ADNP2: variants seen among roughly 807,000 people sequenced by gnomAD.
ADNP2 encodes activity-dependent neuroprotector homeobox protein 2.
ADNP2 carries 8 observed loss-of-function variants against 16.4 expected under a neutral mutation model. The ratio of observed to expected loss-of-function variants is 0.49; its 90% CI spans 0.29 to 0.88. The LOEUF is 0.88. Ranked by LOEUF, ADNP2 falls within the 40% of genes least tolerant of loss-of-function variation. The probability of loss-of-function intolerance (pLI) is 0.09; values close to 1 mark genes in which losing one functional copy is unlikely to be tolerated. For missense variants in ADNP2, 1,397 were observed against 1,395.1 expected, an observed-to-expected ratio of 1.00 and a Z score of -0.02; for synonymous variants, 637 against 545.8, an observed-to-expected ratio of 1.17 and a Z score of -2.33.
rs570468287 is a variant in ADNP2, at chr18:80,136,093, A to T, written c.680A>T (p.Gln227Leu). ...AAGTGCAACGCCAATGCCAGCAGCCAGGATGCGTTAATGTATCACATTTTG... is the reference window on the plus strand; with the variant it reads ...AAGTGCAACGCCAATGCCAGCAGCCTGGATGCGTTAATGTATCACATTTTG... ...CKKCNANASS[Q>L]DALMYHILTS... Residue 227 changes from glutamine (Q) to leucine (L), a missense_variant, in exon 4 of 4, where the codon CAG (glutamine) becomes CTG (leucine). This residue lies in a region of ADNP2 where 777 missense variants were observed against 719.4 expected (regional missense o/e 1.08). Coordinates refer to ENST00000262198, the MANE Select transcript of ADNP2 (RefSeq NM_014913.4). 31 of 1,614,204 alleles carry T rather than the reference A, an allele frequency of 1.9e-5. 1 individual carries two copies. In the South Asian group the frequency reaches 3.1e-4, roughly 16 times the overall value.
Position 80,133,103 on chromosome 18 carries a change from G to T in ADNP2, c.109G>T (p.Asp37Tyr). The T allele has an allele frequency of 6.3e-7, 1 of 1,585,380 alleles. No individual in the cohort carries two copies. The highest frequency in any genetic ancestry group is 1.2e-5 in the South Asian group (1 of 86,312). The change falls in exon 3 of 4, where the codon GAC (aspartate) becomes TAC (tyrosine). Residue 37 changes from aspartate to tyrosine, a missense_variant and splice_region_variant. Physicochemically the swap from Asp to Tyr is radical, Grantham distance 160 (BLOSUM62 -3). This residue lies in a region of ADNP2 where 777 missense variants were observed against 719.4 expected (regional missense o/e 1.08). Transcript: ENST00000262198. ...GLDSCKELLKDLKGFDPGEKY... is the reference protein window; with the variant it reads ...GLDSCKELLKYLKGFDPGEKY... ...TCTTTTTTTTCTCCCTTTTTAAAAG[G>T]ACCTTAAAGGCTTTGATCCAGGAGA...
chr18:80,139,633 AACATTGAAAGAATAC>A lies in ADNP2; in HGVS notation c.*827_*841del, dbSNP rs2052568036. ...ATAAATTTTTAGTGCCTTTAGAATA[AACATTGAAAGAATAC>A]ACCCCAAAACTCTTCTCCTAACTTA... On this transcript the variant is annotated 3_prime_UTR_variant, in exon 4 of 4. Coordinates refer to ENST00000262198, the MANE Select transcript of ADNP2 (RefSeq NM_014913.4). 1 of 152,608 alleles carries A rather than the reference AACATTGAAAGAATAC, an allele frequency of 6.6e-6. No homozygotes were observed. The highest frequency in any genetic ancestry group is 6.5e-5 in the Admixed American group (1 of 15,280). The allele number at this position is 152,608 out of a possible 1,614,324, so 9.5% of individuals were successfully genotyped here.
In ADNP2 at chr18:80,138,449, G is replaced by A. The variant is rs368843502; in HGVS notation, c.3036G>A (p.Thr1012=). 22 of 1,613,934 alleles carry A rather than the reference G, an allele frequency of 1.4e-5. No individual in the cohort carries two copies. Among genetic ancestry groups the A allele is most frequent in the Admixed American group, 6.7e-5 (4 of 60,004 alleles). Residue 1012 remains threonine, a synonymous_variant, in exon 4 of 4, where the codon ACG becomes ACA. Transcript: ENST00000262198. The stretch of plus-strand genomic sequence containing the variant: ...CAGCCCCGGGTCCAGAAAAGGTGAC[G>A]AGTGTTGTGCCTTTTAAAAGACAAA... The part of the protein sequence containing the change: ...ADAAPGPEKV[T]SVVPFKRQRN...
chr18:80,117,432 A>G lies in ADNP2; in HGVS notation c.-13-98A>G, dbSNP rs118084615. The G allele has an allele frequency of 6.6e-3, 4,217 of 642,536 alleles. 33 individuals are homozygous for G. Among genetic ancestry groups the G allele is most frequent in the Non-Finnish European group, 8.5e-3 (3,466 of 406,874 alleles). 39.8% of individuals were successfully genotyped at this position (642,536 alleles called of 1,614,324 possible). On this transcript the variant is annotated intron_variant, in intron 1 of 3. Coordinates refer to ENST00000262198, the MANE Select transcript of ADNP2 (RefSeq NM_014913.4). The stretch of plus-strand genomic sequence containing the variant: ...GTTCTACAACAATTTGTTGAAAATT[A>G]TACTCTATTCCTAGTGTTTTACCAA...
intron 1 of ADNP2, among the ~76,000 whole-genome samples, chr18:80,114,552 A>G (rs984096117): frequency 2.0e-5 from 3 of 152,216 alleles, no homozygotes; most frequent in African/African-American, 2.4e-5. Context: ...CCTAAATACT[A>G]CAAACAAGAA....
chr18:80,115,328 C>T (rs1420450866), intron 1 of ADNP2, among the ~76,000 whole-genome samples: 1 of 152,128 alleles, frequency 6.6e-6, no homozygotes, highest in Non-Finnish European at 1.5e-5. Context: ...CTTTACCATG[C>T]TCCAGCCATT....
rs114394755 is a variant in ADNP2 at position 80,123,204 on chromosome 18, A to T, written c.108+5554A>T. On this transcript the variant is annotated intron_variant, in intron 2 of 3. Transcript: ENST00000262198. ...GGTCGTGGTGTATAATTGTTTTAAT[A>T]CACTGTTGAATTTGGTTTGCTAGTA... is the stretch of plus-strand genomic sequence containing the variant. Among the ~76,000 whole-genome samples, 738 of 152,176 alleles carry T rather than the reference A, an allele frequency of 4.8e-3. 7 individuals are homozygous for T. Among genetic ancestry groups the T allele is most frequent in the African/African-American group, 0.017 (698 of 41,518 alleles).
chr18:80,122,831 C>T (rs750505839), intron 2 of ADNP2, among the ~76,000 whole-genome samples: 1 of 152,134 alleles, frequency 6.6e-6, no homozygotes, highest in African/African-American at 2.4e-5. Flanking sequence ...CTGTTTAGAA[C>T]GTCCAGTATA....
Position 80,135,862 on chromosome 18 carries a change from G to A in ADNP2, c.449G>A (p.Ser150Asn). The change falls in exon 4 of 4, where the codon AGC becomes AAC. Residue 150 changes from serine (S) to asparagine (N), a missense_variant. This residue lies in a region of ADNP2 where 777 missense variants were observed against 719.4 expected (regional missense o/e 1.08). Coordinates refer to ENST00000262198, the MANE Select transcript of ADNP2 (RefSeq NM_014913.4). ...NILGETKSSR[S>N]DVISFTCLKC... ...TTAGGTGAAACTAAATCATCTAGGA[G>A]CGATGTGATAAGTTTCACATGTCTA... 6.2e-7 allele frequency: 1 copy of A among 1,614,180 alleles called. No homozygotes were observed. Among genetic ancestry groups the A allele is most frequent in the Non-Finnish European group, 8.5e-7 (1 of 1,180,038 alleles).
At chr18:80,114,192 C>CCAA (rs1555728415) in intron 1 of ADNP2, among the ~76,000 whole-genome samples, 2 of 110,298 alleles carry the variant, frequency 1.8e-5, no homozygotes, top group African/African-American at 3.6e-5. Flanking sequence ...GACCCTGTCT[C>CCAA]AAAAAAAAAA....
Position 80,138,815 on chromosome 18 carries a change from G to GAAA in ADNP2, c.*6_*7insAAA. ...ACTTTGAATATGAACCATAAAACTT[G>GAAA]CAAAAAAAAAAAAAAGTAACTCTAA... On this transcript the variant is annotated 3_prime_UTR_variant, in exon 4 of 4. Coordinates refer to ENST00000262198, the MANE Select transcript of ADNP2 (RefSeq NM_014913.4). The GAAA allele has an allele frequency of 6.9e-6, 8 of 1,165,966 alleles. No homozygotes were observed. Among genetic ancestry groups the GAAA allele is most frequent in the South Asian group, 4.3e-5 (2 of 46,162 alleles). The allele number at this position is 1,165,966 out of a possible 1,614,324, so 72.2% of individuals were successfully genotyped here.
intron 2 of ADNP2, among the ~76,000 whole-genome samples, chr18:80,123,375 G>GT (rs1475197757): frequency 6.6e-6 from 1 of 150,822 alleles, no homozygotes; most frequent in African/African-American, 2.4e-5. Context: ...TTTGTTTTTT[G>GT]TTTTTTGTTT....
chr18:80,122,179 C>G (rs1278365347), intron 2 of ADNP2, among the ~76,000 whole-genome samples: 2 of 152,122 alleles, frequency 1.3e-5, no homozygotes, highest in Non-Finnish European at 2.9e-5. Flanking sequence ...CTCAGCCTCC[C>G]GAAGTGCTGG....
In ADNP2 at chr18:80,138,807, T is replaced by C. The variant is rs778620052; in HGVS notation, c.3394T>C (p.Ter1132GlnextTer12). 1 of 1,310,738 alleles carries C rather than the reference T, an allele frequency of 7.6e-7. No individual in the cohort carries two copies. The highest frequency in any genetic ancestry group is 9.8e-7 in the Non-Finnish European group (1 of 1,024,198). 81.2% of individuals were successfully genotyped at this position (1,310,738 alleles called of 1,614,324 possible). The change falls in exon 4 of 4, where the codon TAA becomes CAA. Residue 1132 changes from the stop codon to glutamine, a stop_lost. Coordinates refer to ENST00000262198, the MANE Select transcript of ADNP2 (RefSeq NM_014913.4). ...TAGATTGAACTTTGAATATGAACCA[T>C]AAAACTTGCAAAAAAAAAAAAAAGT... ...KHRLNFEYEP* is the reference protein window; with the variant it reads ...KHRLNFEYEPQ
At chr18:80,110,226 TCTA>T (rs980406308) in intron 1 of ADNP2, among the ~76,000 whole-genome samples, 1 of 152,366 alleles carries the variant, frequency 6.6e-6, no homozygotes, top group African/African-American at 2.4e-5. Flanking sequence ...TTACAAAATT[TCTA>T]CTACAGTTGA....
Position 80,117,574 on chromosome 18 carries a change from A to G in ADNP2, c.32A>G (p.Asn11Ser). The change falls in exon 2 of 4, where the codon AAC becomes AGC. Residue 11 changes from asparagine (N) to serine (S), a missense_variant. This residue lies in a region of ADNP2 where 777 missense variants were observed against 719.4 expected (regional missense o/e 1.08). Coordinates refer to ENST00000262198, the MANE Select transcript of ADNP2 (RefSeq NM_014913.4). MFQIPVENLD[N>S]IRKVRKKVKG... ...CAAATTCCTGTGGAAAATCTTGACAACATCAGAAAGGTGCGAAAAAAGGTG... is the reference window on the plus strand; with the variant it reads ...CAAATTCCTGTGGAAAATCTTGACAGCATCAGAAAGGTGCGAAAAAAGGTG... 3 of 1,597,058 alleles carry G rather than the reference A, an allele frequency of 1.9e-6. No homozygotes were observed. The highest frequency in any genetic ancestry group is 1.1e-5 in the South Asian group (1 of 87,644).
At chr18:80,123,229 A>G (rs1300505282) in intron 2 of ADNP2, among the ~76,000 whole-genome samples, 1 of 152,068 alleles carries the variant, frequency 6.6e-6, no homozygotes, top group Non-Finnish European at 1.5e-5. Context: ...GTTTGCTAGT[A>G]TGTTGTTAAG....
At chr18:80,124,250 GTC>G (rs1235088855) in intron 2 of ADNP2, among the ~76,000 whole-genome samples, 1 of 151,990 alleles carries the variant, frequency 6.6e-6, no homozygotes, top group Non-Finnish European at 1.5e-5. Flanking sequence ...CTAATAATCT[GTC>G]TCTCTCTCTG....
chr18:80,110,838 G>A (rs942476586), intron 1 of ADNP2, among the ~76,000 whole-genome samples: 1 of 152,150 alleles, frequency 6.6e-6, no homozygotes, highest in African/African-American at 2.4e-5. Context: ...TGAGACAAGA[G>A]GTTGTCCTAC....
Sources: gnomAD v4.1 joint callset for allele counts (sites outside exome capture counted in the v4.1 genomes callset) on GRCh38, gnomAD v4.1.1 for gene constraint, gnomAD v4.1.1 regional missense constraint, MANE v1.5 for transcripts, NCBI Gene and HGNC (gene_info 2026-07-23, HGNC 2026-07-21) for gene names.